Variants in CRIM1 observed in about 807,000 individuals in gnomAD.
The protein encoded by CRIM1 is cysteine-rich motor neuron 1 protein.
A neutral mutation model predicts 116.4 loss-of-function variants in CRIM1; 32 were observed. The ratio of observed to expected loss-of-function variants is 0.27; its 90% CI spans 0.21 to 0.37. CRIM1 has a LOEUF of 0.37. Among genes scored for constraint, CRIM1 ranks in the 10% least tolerant of loss-of-function variants. The probability of loss-of-function intolerance (pLI) is 1.00; values close to 1 mark genes in which losing one functional copy is unlikely to be tolerated. For synonymous variants in CRIM1, 590 were observed against 509.2 expected, an observed-to-expected ratio of 1.16 and a Z score of -2.13; for missense variants, 1,331 against 1,354.8, an observed-to-expected ratio of 0.98 and a Z score of 0.28.
Position 36,486,401 on chromosome 2 carries a change from G to C in CRIM1, c.1372+6707G>C, listed in dbSNP as rs553542708. Among the ~76,000 whole-genome samples the C allele has an allele frequency of 2.6e-5, 4 of 152,242 alleles. No individual in the cohort carries two copies. In the South Asian group the frequency reaches 8.3e-4, roughly 32 times the overall value. ...TTGTGTCGGTAATGCCTTGCTCTTT[G>C]TACTTGATTTTGAGTAAGACTGTCA... On this transcript the variant is annotated intron_variant, in intron 7 of 16. Transcript: ENST00000280527.
At chr2:36,458,573 A>G (rs978539022) in intron 4 of CRIM1, among the ~76,000 whole-genome samples, 5 of 152,094 alleles carry the variant, frequency 3.3e-5, no homozygotes, top group Admixed American at 6.5e-5. Context: ...AAAAAGTTAT[A>G]TAATTATTAT....
At chr2:36,363,083 C>T (rs1669333760) in intron 1 of CRIM1, among the ~76,000 whole-genome samples, 1 of 151,690 alleles carries the variant, frequency 6.6e-6, no homozygotes, top group African/African-American at 2.4e-5. Flanking sequence ...CCCTGTAATC[C>T]CAGCTACTAG....
intron 8 of CRIM1, among the ~76,000 whole-genome samples, chr2:36,507,394 A>G (rs1034790780): frequency 1.1e-4 from 17 of 152,228 alleles, no homozygotes; most frequent in African/African-American, 3.6e-4. Flanking sequence ...TCTTGATGAC[A>G]GTGGAGGAGT....
At chr2:36,358,226 G>A (rs565605696) in intron 1 of CRIM1, among the ~76,000 whole-genome samples, 2 of 152,132 alleles carry the variant, frequency 1.3e-5, no homozygotes, top group Non-Finnish European at 2.9e-5. Context: ...AAGAAAAATG[G>A]CCATGAGATT....
intron 1 of CRIM1, among the ~76,000 whole-genome samples, chr2:36,391,118 A>ATTTTT (rs57108558): frequency 3.9e-4 from 26 of 67,232 alleles, no homozygotes; most frequent in East Asian, 1.1e-3. Flanking sequence ...CCAACTTTTG[A>ATTTTT]TTTTTTTTTT....
At chr2:36,423,103 C>T (rs1420100373) in intron 2 of CRIM1, among the ~76,000 whole-genome samples, 2 of 152,160 alleles carry the variant, frequency 1.3e-5, no homozygotes, top group Non-Finnish European at 2.9e-5. Flanking sequence ...TTGTCTAGAT[C>T]AGAGATTCTT....
intron 1 of CRIM1, among the ~76,000 whole-genome samples, chr2:36,377,668 T>C (rs1359379794): frequency 6.6e-6 from 1 of 152,218 alleles, no homozygotes; most frequent in Admixed American, 6.5e-5. Flanking sequence ...AAATGTACAT[T>C]GTCATTGTAT....
At chr2:36,380,233 T>C in intron 1 of CRIM1, among the ~76,000 whole-genome samples, 1 of 152,220 alleles carries the variant, frequency 6.6e-6, no homozygotes, top group African/African-American at 2.4e-5. Context: ...GTCTGCCTGT[T>C]CACCTGTTGA....
chr2:36,481,159 T>G (rs1014850251), intron 7 of CRIM1, among the ~76,000 whole-genome samples: 1 of 152,224 alleles, frequency 6.6e-6, no homozygotes, highest in Non-Finnish European at 1.5e-5. Context: ...AAAAACTTGT[T>G]GAATAAAAGA....
chr2:36,380,607 T>C lies in CRIM1; in HGVS notation c.332-16007T>C, dbSNP rs148793789. Among the ~76,000 whole-genome samples the C allele has an allele frequency of 5.1e-3, 780 of 152,206 alleles. 10 individuals are homozygous for C. Among genetic ancestry groups the C allele is most frequent in the African/African-American group, 0.018 (739 of 41,528 alleles). Reference sequence around the variant, plus strand: ...ATCAAAAGAAGGACATAAAGAAAGTTTGGGAGACATTGAGTCTGCAAAGCA... The same window carrying C: ...ATCAAAAGAAGGACATAAAGAAAGTCTGGGAGACATTGAGTCTGCAAAGCA... On this transcript the variant is annotated intron_variant, in intron 1 of 16. Coordinates refer to ENST00000280527, the MANE Select transcript of CRIM1 (RefSeq NM_016441.3).
chr2:36,517,081 T>C (rs1273469695), intron 11 of CRIM1, among the ~76,000 whole-genome samples: 1 of 152,230 alleles, frequency 6.6e-6, no homozygotes, highest in Non-Finnish European at 1.5e-5. Context: ...AATGATCTTA[T>C]TGAATTCTCT....
intron 7 of CRIM1, among the ~76,000 whole-genome samples, chr2:36,484,158 A>G (rs996863589): frequency 6.6e-6 from 1 of 152,206 alleles, no homozygotes; most frequent in African/African-American, 2.4e-5. Context: ...CCTGAAGTCC[A>G]GAATCACAGA....
At chr2:36,402,572 T>A (rs1173063612) in intron 2 of CRIM1, among the ~76,000 whole-genome samples, 3 of 151,896 alleles carry the variant, frequency 2.0e-5, no homozygotes, top group Non-Finnish European at 4.4e-5. Flanking sequence ...ATGATTTGTC[T>A]TTTAAAAGAT....
intron 4 of CRIM1, among the ~76,000 whole-genome samples, chr2:36,455,678 A>C (rs1383730014): frequency 1.3e-5 from 2 of 152,206 alleles, no homozygotes; most frequent in African/African-American, 4.8e-5. Flanking sequence ...TCCCAGGTGA[A>C]TAAGTGAGTA....
chr2:36,442,607 C>T lies in CRIM1; in HGVS notation c.749-8C>T. 6.2e-7 allele frequency: 1 copy of T among 1,614,082 alleles called. No individual in the cohort carries two copies. The highest frequency in any genetic ancestry group is 8.5e-7 in the Non-Finnish European group (1 of 1,179,986). On this transcript the variant is annotated splice_region_variant and splice_polypyrimidine_tract_variant and intron_variant, in intron 3 of 16. Transcript: ENST00000280527. ...AATAAACGGTGCCTCTCTGTTTGCC[C>T]CTTTCAGTTTTCGGCGTGGACTGCA...
intron 11 of CRIM1, among the ~76,000 whole-genome samples, chr2:36,515,967 A>AT (rs1383055400): frequency 6.6e-6 from 1 of 152,206 alleles, no homozygotes; most frequent in Admixed American, 6.5e-5. Context: ...TTTCATTGTA[A>AT]TTCTCTTCCT....
At chr2:36,501,176 C>T (rs1680957010) in intron 8 of CRIM1, among the ~76,000 whole-genome samples, 1 of 152,140 alleles carries the variant, frequency 6.6e-6, no homozygotes, top group African/African-American at 2.4e-5. Flanking sequence ...CTGTAATAAG[C>T]GGGCTTTCTG....
intron 1 of CRIM1, among the ~76,000 whole-genome samples, chr2:36,386,835 G>C (rs1671202825): frequency 6.6e-6 from 1 of 152,214 alleles, no homozygotes; most frequent in African/African-American, 2.4e-5. Flanking sequence ...GAAACCTAAA[G>C]GAAGTATTAA....
intron 11 of CRIM1, among the ~76,000 whole-genome samples, chr2:36,516,847 C>G (rs1177896612): frequency 1.3e-5 from 2 of 152,190 alleles, no homozygotes; most frequent in Non-Finnish European, 2.9e-5. Flanking sequence ...TGCAGTTTCC[C>G]TCGTCTCTCC....
Sources: gnomAD v4.1 joint callset for allele counts (sites outside exome capture counted in the v4.1 genomes callset) on GRCh38, gnomAD v4.1.1 for gene constraint, MANE v1.5 for transcripts, NCBI Gene and HGNC (gene_info 2026-07-23, HGNC 2026-07-21) for gene names.